Variants in FUT8 observed in about 807,000 individuals in gnomAD.
FUT8 encodes the protein alpha-(1,6)-fucosyltransferase.
Under a neutral mutation model 71.3 loss-of-function variants are expected in FUT8, and 29 were observed. The ratio of observed to expected loss-of-function variants is 0.41; its 90% confidence interval spans 0.30 to 0.55. The LOEUF (loss-of-function observed/expected upper bound fraction) is 0.55, where lower values mean the gene tolerates loss of function less well. Ranked by LOEUF, FUT8 falls within the 20% of genes least tolerant of loss-of-function variation. FUT8 has a pLI of 0.34. For missense variants in FUT8, 544 were observed against 702.1 expected (o/e 0.77, Z 2.55); for synonymous variants, 254 against 239.3 (o/e 1.06, Z -0.57).
At chr14:65,661,702 T>C (rs1891973431) in intron 6 of FUT8, among the ~76,000 whole-genome samples, 1 of 152,218 alleles carries the variant, frequency 6.6e-6, no homozygotes, top group South Asian at 2.1e-4. Flanking sequence ...GTAATTCACA[T>C]TGCTACTAAT....
At chr14:65,398,772 C>T in the FUT8 span, among the ~76,000 whole-genome samples, 1 of 151,588 alleles carries the variant, frequency 6.6e-6, no homozygotes, top group African/African-American at 2.4e-5. Context: ...ACAAACAAAA[C>T]ATCCAAGTTG....
At chr14:65,394,310 A>G in the FUT8 span, among the ~76,000 whole-genome samples, 3 of 152,164 alleles carry the variant, frequency 2.0e-5, no homozygotes, top group Admixed American at 6.5e-5. Context: ...ATTCACTACC[A>G]TGAGAATAGT....
chr14:65,391,017 C>T, the FUT8 span, among the ~76,000 whole-genome samples: 3 of 151,814 alleles, frequency 2.0e-5, no homozygotes, highest in South Asian at 2.1e-4. Flanking sequence ...TGAGCCACTG[C>T]GCCCGGCCTA....
chr14:65,656,161 CA>C (rs1178232615), intron 6 of FUT8, among the ~76,000 whole-genome samples: 2 of 151,672 alleles, frequency 1.3e-5, no homozygotes, highest in Non-Finnish European at 2.9e-5. Context: ...AGGAAGAAAT[CA>C]ATTTATTCTT....
intron 7 of FUT8, among the ~76,000 whole-genome samples, chr14:65,681,344 A>C (rs1221292818): frequency 6.6e-6 from 1 of 152,240 alleles, no homozygotes; most frequent in Non-Finnish European, 1.5e-5. Flanking sequence ...GGTGAAGAGC[A>C]AATGAAGTAA....
intron 2 of FUT8, among the ~76,000 whole-genome samples, chr14:65,484,115 G>A (rs897964512): frequency 6.6e-6 from 1 of 152,128 alleles, no homozygotes. Flanking sequence ...AAAACCTGCT[G>A]TACTCATTCT....
the FUT8 span, among the ~76,000 whole-genome samples, chr14:65,380,204 G>C: frequency 6.6e-6 from 1 of 152,128 alleles, no homozygotes; most frequent in Non-Finnish European, 1.5e-5. Flanking sequence ...TTCTTACATG[G>C]CAGTGGCAAG....
intron 7 of FUT8, among the ~76,000 whole-genome samples, chr14:65,709,424 A>C (rs370388844): frequency 3.3e-5 from 5 of 152,230 alleles, no homozygotes; most frequent in Admixed American, 3.3e-4. Context: ...ATTGAATCAC[A>C]TAGTAAGAAA....
intron 7 of FUT8, among the ~76,000 whole-genome samples, chr14:65,677,534 A>G (rs1015824876): frequency 1.3e-5 from 2 of 152,204 alleles, no homozygotes; most frequent in African/African-American, 4.8e-5. Flanking sequence ...TTCCCAAAAG[A>G]TATATTACAA....
At chr14:65,448,354 A>C (rs918927359) in intron 1 of FUT8, among the ~76,000 whole-genome samples, 2 of 152,202 alleles carry the variant, frequency 1.3e-5, no homozygotes, top group African/African-American at 4.8e-5. Context: ...CATCAAACTC[A>C]TGCTTATCAG....
chr14:65,594,413 G>A (rs904845564), intron 3 of FUT8, among the ~76,000 whole-genome samples: 6 of 152,108 alleles, frequency 3.9e-5, no homozygotes, highest in Non-Finnish European at 5.9e-5. Context: ...GGGTTTCTAC[G>A]ACCCCAAGGC....
intron 7 of FUT8, among the ~76,000 whole-genome samples, chr14:65,715,949 C>G (rs1360882546): frequency 6.7e-6 from 1 of 149,626 alleles, no homozygotes; most frequent in African/African-American, 2.5e-5. Flanking sequence ...TGCACTCCAG[C>G]CTGGACAAGA....
intron 1 of FUT8, among the ~76,000 whole-genome samples, chr14:65,439,989 T>TA (rs1424389259): frequency 5.1e-5 from 7 of 138,546 alleles, no homozygotes; most frequent in Non-Finnish European, 9.4e-5. Flanking sequence ...TATATATATA[T>TA]ATGTACACAC....
chr14:65,605,957 G>T (rs1257933447), intron 3 of FUT8, among the ~76,000 whole-genome samples: 1 of 151,586 alleles, frequency 6.6e-6, no homozygotes, highest in Non-Finnish European at 1.5e-5. Context: ...TTTTCTTACA[G>T]ATTTGAAGGA....
chr14:65,358,661 G>A, the FUT8 span, among the ~76,000 whole-genome samples: 2 of 152,100 alleles, frequency 1.3e-5, no homozygotes, highest in South Asian at 4.1e-4. Flanking sequence ...TGTCGTCCAG[G>A]CTGGTCTTGA....
intron 2 of FUT8, among the ~76,000 whole-genome samples, chr14:65,530,830 T>A (rs921905887): frequency 6.7e-6 from 1 of 148,762 alleles, no homozygotes; most frequent in Non-Finnish European, 1.5e-5. Context: ...TCTCTCTCTC[T>A]CCCTCCCTCC....
intron 6 of FUT8, among the ~76,000 whole-genome samples, chr14:65,656,231 A>AC (rs1220876054): frequency 2.0e-5 from 3 of 152,170 alleles, no homozygotes; most frequent in Admixed American, 6.5e-5. Context: ...CAAAAAAAAA[A>AC]CTACTAGAAC....
chr14:65,363,207 T>C, the FUT8 span, among the ~76,000 whole-genome samples: 18 of 152,164 alleles, frequency 1.2e-4, no homozygotes, highest in Admixed American at 1.2e-3. Context: ...CTGCAACCCC[T>C]GCCTTTCGGG....
chr14:65,390,793 G>A, the FUT8 span, among the ~76,000 whole-genome samples: 22 of 146,734 alleles, frequency 1.5e-4, no homozygotes, highest in Non-Finnish European at 2.7e-4. Context: ...GCGCCATCTC[G>A]GCTCACAGCA....
Sources: allele counts gnomAD v4.1 joint callset (sites outside exome capture counted in the v4.1 genomes callset), GRCh38; gene constraint gnomAD v4.1.1; transcripts MANE v1.5; gene names NCBI Gene and HGNC (gene_info 2026-07-23, HGNC 2026-07-21).